The following MTMR12 variants were observed in gnomAD, a reference collection of about 807,000 sequenced individuals.
MTMR12 encodes the protein myotubularin-related protein 12.
A neutral mutation model predicts 96.7 loss-of-function variants in MTMR12; 33 were observed. That is an observed-to-expected ratio of 0.34 (90% CI 0.26 to 0.46). The LOEUF is 0.46. Ranked by LOEUF, MTMR12 falls within the 20% of genes least tolerant of loss-of-function variation. The pLI is 1.00. For missense variants in MTMR12, 721 were observed against 896.1 expected, an observed-to-expected ratio of 0.80 and a Z score of 2.49; for synonymous variants, 298 against 327.2, an observed-to-expected ratio of 0.91 and a Z score of 0.96.
chr5:32,237,333 C>A (rs1748278595), intron 13 of MTMR12, among the ~76,000 whole-genome samples: 1 of 152,196 alleles, frequency 6.6e-6, no homozygotes, highest in Non-Finnish European at 1.5e-5. Context: ...ATGTACACCA[C>A]AATCTGGGGG....
In MTMR12 at chr5:32,271,843, C is replaced by T; in HGVS notation, c.348G>A (p.Gln116=). The T allele has an allele frequency of 6.4e-7, 1 of 1,573,872 alleles. No individual in the cohort carries two copies. Among genetic ancestry groups the T allele is most frequent in the Non-Finnish European group, 8.7e-7 (1 of 1,153,558 alleles). Residue 116 remains glutamine, a synonymous_variant, in exon 4 of 16, where the codon CAG becomes CAA. Transcript: ENST00000382142. ...ENDITLHCVD[Q]IYGVFDEKKK... The stretch of plus-strand genomic sequence containing the variant: ...AAAACAGATACTTACCTCCATAAAT[C>T]TGATCAACACAGTGGAGTGTAATGT...
chr5:32,255,362 G>A (rs1230750961), intron 8 of MTMR12, among the ~76,000 whole-genome samples: 1 of 152,156 alleles, frequency 6.6e-6, no homozygotes, highest in African/African-American at 2.4e-5. Flanking sequence ...CCAAAAAGAA[G>A]CTTAAATCCT....
intron 10 of MTMR12, among the ~76,000 whole-genome samples, chr5:32,245,401 GATGCCTA>G (rs1217369511): frequency 6.6e-6 from 1 of 152,194 alleles, no homozygotes. Context: ...TTTTAAGGTA[GATGCCTA>G]ATGAGTTCCC....
chr5:32,250,798 TGA>T (rs149899573), intron 8 of MTMR12, among the ~76,000 whole-genome samples: 2,347 of 152,334 alleles, frequency 0.015, 32 homozygotes, highest in Non-Finnish European at 0.024. Flanking sequence ...TCATCTCATC[TGA>T]GGCGTGAAGG....
intron 5 of MTMR12, among the ~76,000 whole-genome samples, chr5:32,269,806 G>A (rs1166985626): frequency 1.3e-5 from 2 of 152,168 alleles, no homozygotes; most frequent in East Asian, 3.9e-4. Context: ...AGGCCTTTAG[G>A]ATCTTCTTAT....
chr5:32,241,107 G>A (rs886143633), intron 12 of MTMR12, among the ~76,000 whole-genome samples: 2 of 152,166 alleles, frequency 1.3e-5, no homozygotes, highest in Non-Finnish European at 2.9e-5. Flanking sequence ...TTCTGGCCCT[G>A]AGTCCTTCCG....
intron 8 of MTMR12, among the ~76,000 whole-genome samples, chr5:32,254,939 C>T (rs765435969): frequency 3.3e-5 from 5 of 152,168 alleles, no homozygotes; most frequent in Admixed American, 6.5e-5. Context: ...GCTCATATTC[C>T]CATGTGGCAT....
chr5:32,263,173 G>A lies in MTMR12; in HGVS notation c.653C>T (p.Thr218Ile). Residue 218 changes from threonine (T) to isoleucine (I), a missense_variant, in exon 7 of 16, where the codon ACC becomes ATC. Coordinates refer to ENST00000382142, the MANE Select transcript of MTMR12 (RefSeq NM_001040446.3). ...LKDWCWELER[T>I]KGNMKYKAVS... ...TGCTTTGTACTTCATGTTGCCTTTG[G>A]TCCGTTCCAGTTCCCAACACCAGTC... 6.2e-7 allele frequency: 1 copy of A among 1,614,190 alleles called. No individual in the cohort carries two copies. The highest frequency in any genetic ancestry group is 8.5e-7 in the Non-Finnish European group (1 of 1,180,046).
chr5:32,276,565 A>G, intron 2 of MTMR12, 117 bp downstream of exon 2: 1 of 815,804 alleles, frequency 1.2e-6, no homozygotes, highest in Admixed American at 2.7e-5. Context: ...TCAATTCATT[A>G]CTGTTATATG....
Position 32,242,050 on chromosome 5 carries a change from A to T in MTMR12, c.1171+7T>A. The T allele has an allele frequency of 1.2e-6, 2 of 1,605,508 alleles. No homozygotes were observed. Among genetic ancestry groups the T allele is most frequent in the East Asian group, 2.2e-5 (1 of 44,776 alleles). Reference sequence around the variant, plus strand: ...GGAAATCATCCTTTGTGCTTCCTATATATTACCTAAAAGAAGAACATTCAT... The same window carrying T: ...GGAAATCATCCTTTGTGCTTCCTATTTATTACCTAAAAGAAGAACATTCAT... On this transcript the variant is annotated splice_region_variant and intron_variant, in intron 12 of 15. Transcript: ENST00000382142.
chr5:32,296,454 G>T, intron 1 of MTMR12: 1 of 363,880 alleles, frequency 2.7e-6, no homozygotes, highest in Non-Finnish European at 5.8e-6. Context: ...ATTCCAGTCT[G>T]GGCAACAGAG....
chr5:32,269,528 C>T (rs1749750959), intron 5 of MTMR12, among the ~76,000 whole-genome samples: 1 of 152,204 alleles, frequency 6.6e-6, no homozygotes, highest in South Asian at 2.1e-4. Context: ...TGGTCTCGAA[C>T]TCCTGACCTC....
intron 3 of MTMR12, 59 bp from the exon 4 acceptor site, chr5:32,271,964 G>C: frequency 1.9e-6 from 2 of 1,064,896 alleles, no homozygotes; most frequent in East Asian, 2.7e-5. Context: ...ACATTTATAG[G>C]CAGAGTAAAT....
intron 12 of MTMR12, among the ~76,000 whole-genome samples, chr5:32,240,613 T>C (rs973371993): frequency 6.6e-6 from 1 of 152,144 alleles, no homozygotes; most frequent in Non-Finnish European, 1.5e-5. Context: ...AACAAGTTTC[T>C]TTTTGGAGAC....
chr5:32,250,935 T>C (rs79508654), intron 8 of MTMR12, among the ~76,000 whole-genome samples: 5,769 of 152,260 alleles, frequency 0.038, 184 homozygotes, highest in African/African-American at 0.081. Flanking sequence ...CTCTGGGAAC[T>C]GTGAGGGCCA....
chr5:32,297,101 TAAAA>T (rs762533446), intron 1 of MTMR12, among the ~76,000 whole-genome samples: 1 of 126,732 alleles, frequency 7.9e-6, no homozygotes, highest in Non-Finnish European at 1.7e-5. Context: ...AGACTCCGTC[TAAAA>T]AAAAAAAAAA....
intron 8 of MTMR12, among the ~76,000 whole-genome samples, chr5:32,255,309 G>A (rs1243974561): frequency 6.6e-6 from 1 of 152,036 alleles, no homozygotes; most frequent in African/African-American, 2.4e-5. Flanking sequence ...GTTGTCTCTG[G>A]GAGAAAACAC....
chr5:32,268,811 C>A lies in MTMR12; in HGVS notation c.490-17G>T. ...ACTGACAATCTAAAAAAGAATCGAA[C>A]AATGGATATAGTTATGGTTTTGACA... On this transcript the variant is annotated splice_polypyrimidine_tract_variant and intron_variant, in intron 5 of 15. Transcript: ENST00000382142. 1 of 1,585,508 alleles carries A rather than the reference C, an allele frequency of 6.3e-7. No individual in the cohort carries two copies. The highest frequency in any genetic ancestry group is 1.7e-4 in the Middle Eastern group (1 of 5,976).
At chr5:32,232,503 G>A (rs2111976366) in intron 15 of MTMR12, among the ~76,000 whole-genome samples, 1 of 152,306 alleles carries the variant, frequency 6.6e-6, no homozygotes. Context: ...TATTGGAAGG[G>A]GGAGCCTTAG....
Sources: gnomAD v4.1 joint callset for allele counts (sites outside exome capture counted in the v4.1 genomes callset) on GRCh38, gnomAD v4.1.1 for gene constraint, MANE v1.5 for transcripts, NCBI Gene and HGNC (gene_info 2026-07-23, HGNC 2026-07-21) for gene names.